PTPRD: variants seen among roughly 807,000 people sequenced by gnomAD.
The protein encoded by PTPRD is receptor-type tyrosine-protein phosphatase delta.
A neutral mutation model predicts 214.5 loss-of-function variants in PTPRD; 34 were observed. The observed-to-expected ratio is 0.16, with a 90% CI of 0.12 to 0.21. The LOEUF (loss-of-function observed/expected upper bound fraction) is 0.21, where lower values mean the gene tolerates loss of function less well. Among genes scored for constraint, PTPRD ranks in the 10% least tolerant of loss-of-function variants. The pLI, the probability that PTPRD is intolerant of heterozygous loss-of-function variation, is 1.00. For synonymous variants in PTPRD, 1,128 were observed against 845.7 expected (o/e 1.33, Z -5.79); for missense variants, 2,545 against 2,398.7 (o/e 1.06, Z -1.27).
intron 39 of PTPRD, among the ~76,000 whole-genome samples, chr9:8,364,379 A>G (rs2079251892): frequency 6.6e-6 from 1 of 152,246 alleles, no homozygotes; most frequent in Admixed American, 6.5e-5. Context: ...GAAAAACAAT[A>G]TTGACAAATT....
At chr9:10,042,753 C>T (rs2097319817) in intron 3 of PTPRD, among the ~76,000 whole-genome samples, 1 of 151,930 alleles carries the variant, frequency 6.6e-6, no homozygotes, top group Non-Finnish European at 1.5e-5. Flanking sequence ...CACTAGCATA[C>T]ACTGTCCTTT....
chr9:10,302,896 C>A (rs954920832), intron 3 of PTPRD, among the ~76,000 whole-genome samples: 1 of 152,186 alleles, frequency 6.6e-6, no homozygotes, highest in African/African-American at 2.4e-5. Flanking sequence ...AAACTCAGCT[C>A]TGAACCAAGT....
At chr9:10,089,189 G>C (rs749837139) in intron 3 of PTPRD, among the ~76,000 whole-genome samples, 1 of 146,614 alleles carries the variant, frequency 6.8e-6, no homozygotes, top group African/African-American at 2.5e-5. Context: ...CTGGGTGACA[G>C]AATGAGAATC....
At chr9:10,455,914 T>G (rs996407113) in intron 2 of PTPRD, among the ~76,000 whole-genome samples, 7 of 151,846 alleles carry the variant, frequency 4.6e-5, no homozygotes, top group African/African-American at 1.7e-4. Context: ...TAAGATGTAA[T>G]GTAGTTACAA....
At chr9:8,665,108 CTG>C (rs1490843288) in intron 12 of PTPRD, among the ~76,000 whole-genome samples, 1 of 152,146 alleles carries the variant, frequency 6.6e-6, no homozygotes, top group Non-Finnish European at 1.5e-5. Flanking sequence ...TTCTCAAAAA[CTG>C]AGTTCGAATT....
rs138396153 is a variant in PTPRD, at chr9:8,430,600, G to C, written c.4086+5992C>G. Among the ~76,000 whole-genome samples, 96 of 152,130 alleles carry C rather than the reference G, an allele frequency of 6.3e-4. 1 individual carries two copies. The highest frequency in any genetic ancestry group is 2.1e-3 in the African/African-American group (86 of 41,530). On this transcript the variant is annotated intron_variant, in intron 35 of 45. Coordinates refer to ENST00000381196, the MANE Select transcript of PTPRD (RefSeq NM_002839.4). ...CTGGGATGACAATTTATTACACAAA[G>C]ACATCATCAATATCTTTTAAAATGT...
intron 2 of PTPRD, among the ~76,000 whole-genome samples, chr9:10,552,521 G>A (rs1407175653): frequency 2.6e-5 from 4 of 151,958 alleles, no homozygotes; most frequent in African/African-American, 9.7e-5. Flanking sequence ...CTTTTGTTAA[G>A]TTTTTCAGTT....
chr9:9,509,873 C>T (rs1030402961), intron 8 of PTPRD, among the ~76,000 whole-genome samples: 2 of 151,670 alleles, frequency 1.3e-5, no homozygotes, highest in South Asian at 4.1e-4. Context: ...CCTATTTGGC[C>T]TTAGCTCTAT....
chr9:9,555,882 G>C (rs560726795), intron 8 of PTPRD, among the ~76,000 whole-genome samples: 26 of 152,214 alleles, frequency 1.7e-4, no homozygotes, highest in Admixed American at 2.0e-4. Context: ...AAGTTCAAAA[G>C]ATTGTCCTCC....
intron 7 of PTPRD, among the ~76,000 whole-genome samples, chr9:9,714,465 G>T (rs1335571261): frequency 6.6e-6 from 1 of 151,610 alleles, no homozygotes; most frequent in Non-Finnish European, 1.5e-5. Flanking sequence ...TATACAAAAT[G>T]AACATTATAA....
At chr9:9,940,675 A>G (rs1378902230) in intron 4 of PTPRD, among the ~76,000 whole-genome samples, 5 of 152,158 alleles carry the variant, frequency 3.3e-5, no homozygotes, top group African/African-American at 1.2e-4. Context: ...TTGAAATACA[A>G]AAATAAATCA....
At chr9:10,025,690 C>G (rs182332524) in intron 4 of PTPRD, among the ~76,000 whole-genome samples, 135 of 152,304 alleles carry the variant, frequency 8.9e-4, no homozygotes, top group African/African-American at 3.2e-3. Context: ...CCCTCACCCA[C>G]TTTTAGAAAA....
At chr9:10,510,145 C>T (rs1443072404) in intron 2 of PTPRD, among the ~76,000 whole-genome samples, 1 of 151,984 alleles carries the variant, frequency 6.6e-6, no homozygotes, top group Non-Finnish European at 1.5e-5. Flanking sequence ...TTGTATTTGG[C>T]CTTAGAATAT....
At chr9:10,611,912 C>CG (rs1229491837) in intron 2 of PTPRD, among the ~76,000 whole-genome samples, 1 of 150,646 alleles carries the variant, frequency 6.6e-6, no homozygotes, top group Non-Finnish European at 1.5e-5. Flanking sequence ...TCCGCCCCCC[C>CG]CCCCTTTTTT....
chr9:10,280,663 G>C (rs563540823), intron 3 of PTPRD, among the ~76,000 whole-genome samples: 1 of 152,124 alleles, frequency 6.6e-6, no homozygotes, highest in East Asian at 1.9e-4. Context: ...GAGTGCTGTG[G>C]CACAATCAGA....
At chr9:9,635,398 C>T (rs956703758) in intron 7 of PTPRD, among the ~76,000 whole-genome samples, 1 of 152,134 alleles carries the variant, frequency 6.6e-6, no homozygotes, top group Non-Finnish European at 1.5e-5. Context: ...CAAGTGGCTC[C>T]CGAACTTTAT....
chr9:8,443,643 A>G (rs1460263091), intron 34 of PTPRD, among the ~76,000 whole-genome samples: 1 of 152,156 alleles, frequency 6.6e-6, no homozygotes, highest in East Asian at 1.9e-4. Flanking sequence ...AAAAGGTGCA[A>G]GCATAAACAC....
intron 11 of PTPRD, among the ~76,000 whole-genome samples, chr9:8,955,369 G>A (rs1251926864): frequency 1.3e-5 from 2 of 151,822 alleles, no homozygotes; most frequent in Non-Finnish European, 2.9e-5. Context: ...GTCCTACTCA[G>A]AGGTGTCCCT....
intron 2 of PTPRD, among the ~76,000 whole-genome samples, chr9:10,479,652 A>C (rs10959117): frequency 1.6e-4 from 20 of 124,194 alleles, no homozygotes; most frequent in African/African-American, 4.3e-4. Context: ...TAAATAAATA[A>C]ATAAATAAAC....
Sources: allele counts gnomAD v4.1 joint callset (sites outside exome capture counted in the v4.1 genomes callset), GRCh38; gene constraint gnomAD v4.1.1; transcripts MANE v1.5; gene names NCBI Gene and HGNC (gene_info 2026-07-23, HGNC 2026-07-21).